The following TRMU variants were observed in gnomAD, a reference collection of about 807,000 sequenced individuals.
The protein encoded by TRMU is tRNA mitochondrial 2-thiouridylase.
In TRMU, 49 loss-of-function variants were observed where a neutral mutation model predicts 46.9. The ratio of observed to expected loss-of-function variants is 1.05; its 90% CI spans 0.83 to 1.33. The LOEUF (loss-of-function observed/expected upper bound fraction) is 1.33. Ranked by LOEUF, TRMU falls within the 40% of genes most tolerant of loss-of-function variation. The pLI, the probability that TRMU is intolerant of heterozygous loss-of-function variation, is 0.00. For synonymous variants in TRMU, 241 were observed against 200.9 expected (o/e 1.20, Z -1.69); for missense variants, 572 against 532.4 (o/e 1.07, Z -0.73).
In TRMU at chr22:46,335,875, C is replaced by A. The variant is rs1306630801; in HGVS notation, c.82+29C>A. 7 of 1,533,418 alleles carry A rather than the reference C, an allele frequency of 4.6e-6. No homozygotes were observed. The African/African-American group carries it at 5.5e-5, about 12-fold the overall frequency. 95.0% of individuals were successfully genotyped at this position (1,533,418 alleles called of 1,614,324 possible). A position where few individuals can be genotyped will look rare whatever the true frequency, so the allele number is the denominator to read the frequency against. ...AGGCGTCCGAGGCTCCCGCCCCCCG[C>A]CGAGCGAATGTGTCCCCGGAAACCT... On this transcript the variant is annotated intron_variant, in intron 1 of 10. Transcript: ENST00000645190.
rs183073511 is a variant in TRMU, at chr22:46,342,478, C to T, written c.249-784C>T. ...GGTTTTTATGGAGGCTTCATGACAT[C>T]GCCATTCCTTCCCCCAGGATATACA... On this transcript the variant is annotated intron_variant, in intron 2 of 10. Coordinates refer to ENST00000645190, the MANE Select transcript of TRMU (RefSeq NM_018006.5). This position sits in a 1 kb window ranked among gnomAD's most constrained non-coding sequence, Gnocchi z 4.7. Among the ~76,000 whole-genome samples the T allele has an allele frequency of 2.6e-4, 39 of 152,240 alleles. No individual in the cohort carries two copies. Among genetic ancestry groups the T allele is most frequent in the Admixed American group, 6.5e-4 (10 of 15,304 alleles).
At position 46,351,778 on chromosome 22, in the gene TRMU, C is replaced by T; in HGVS notation, c.652-343C>T. The T allele has an allele frequency of 2.4e-6, 1 of 413,834 alleles. No homozygotes were observed. Among genetic ancestry groups the T allele is most frequent in the Non-Finnish European group, 4.6e-6 (1 of 219,438 alleles). 25.6% of individuals were successfully genotyped at this position (413,834 alleles called of 1,614,324 possible). On this transcript the variant is annotated intron_variant, in intron 5 of 10. Coordinates refer to ENST00000645190, the MANE Select transcript of TRMU (RefSeq NM_018006.5). The surrounding 1 kb of genome is among the most constrained non-coding windows in gnomAD (Gnocchi z 6.4). The stretch of plus-strand genomic sequence containing the variant: ...AGCTTCAGGCCTGGCTTTCCTGCTA[C>T]CTGCCCCTTCTCTGGTCCCTGTCTC...
At chr22:46,337,702 C>G in intron 1 of TRMU, 77 bp from the exon 2 acceptor site, 1 of 1,578,326 alleles carries the variant, frequency 6.3e-7, no homozygotes, top group South Asian at 1.1e-5. Flanking sequence ...TGGGGAACTT[C>G]TCAGAGCTCA....
intron 8 of TRMU, 151 bp downstream of exon 8, chr22:46,354,018 TG>T (rs1237552323): frequency 9.8e-6 from 7 of 714,986 alleles, no homozygotes; most frequent in Non-Finnish European, 1.5e-5. Context: ...CTGCCTTTCC[TG>T]GGACTGGCCA....
intron 9 of TRMU, 34 bp from the exon 10 acceptor site, chr22:46,355,956 G>A: frequency 6.2e-7 from 1 of 1,611,656 alleles, no homozygotes; most frequent in Non-Finnish European, 8.5e-7. Flanking sequence ...GGAAAGGCCT[G>A]TGCCCCCTCC....
chr22:46,352,089 C>T, intron 5 of TRMU, 32 bp from the exon 6 acceptor site: 1 of 1,611,834 alleles, frequency 6.2e-7, no homozygotes, highest in African/African-American at 1.3e-5. Context: ...GCCACTTCTG[C>T]TCCTCTCACG....
At position 46,348,385 on chromosome 22, in the gene TRMU, T is replaced by G. The variant is rs891009244; in HGVS notation, c.478+1841T>G. Among the ~76,000 whole-genome samples, 6 of 152,234 alleles carry G rather than the reference T, an allele frequency of 3.9e-5. No homozygotes were observed. Among genetic ancestry groups the G allele is most frequent in the African/African-American group, 1.2e-4 (5 of 41,466 alleles). ...TGTGATGGTGCACAGTGTCTTGGCC[T>G]TCACTGGGTTTTGTAGGCACACTAA... On this transcript the variant is annotated intron_variant, in intron 4 of 10. Coordinates refer to ENST00000645190, the MANE Select transcript of TRMU (RefSeq NM_018006.5). This position sits in a 1 kb window ranked among gnomAD's most constrained non-coding sequence, Gnocchi z 4.8.
In TRMU at chr22:46,350,809, G is replaced by T. The variant is rs1245738756; in HGVS notation, c.651+346G>T. On this transcript the variant is annotated intron_variant, in intron 5 of 10. Coordinates refer to ENST00000645190, the MANE Select transcript of TRMU (RefSeq NM_018006.5). The surrounding 1 kb of genome is among the most constrained non-coding windows in gnomAD (Gnocchi z 4.6). ...GATGCAGCCCCGAGACCCCTGGAGG[G>T]GCAGGTGCTGTGCCGCCGTCTGCAC... 1.3e-5 allele frequency among the ~76,000 whole-genome samples: 2 copies of T among 152,202 alleles called. No homozygotes were observed. Among genetic ancestry groups the T allele is most frequent in the African/African-American group, 4.8e-5 (2 of 41,438 alleles).
At chr22:46,356,202 C>A in intron 10 of TRMU, 130 bp downstream of exon 10, 1 of 968,230 alleles carries the variant, frequency 1.0e-6, no homozygotes, top group South Asian at 1.4e-5. Context: ...CTGGTGAGGG[C>A]AGAGTGCCAC....
intron 8 of TRMU, chr22:46,354,204 G>C: frequency 2.9e-6 from 1 of 343,686 alleles, no homozygotes; most frequent in South Asian, 2.3e-5. Context: ...TGCCAAGGAT[G>C]GTGCCCACCA....
chr22:46,350,446 G>A lies in TRMU; in HGVS notation c.634G>A (p.Val212Met), dbSNP rs771988241. Residue 212 changes from valine (V) to methionine (M), a missense_variant, in exon 5 of 11, where the codon GTG becomes ATG. Transcript: ENST00000645190. This position sits in a 1 kb window ranked among gnomAD's most constrained non-coding sequence, Gnocchi z 4.6. Reference protein sequence around the residue: ...KIAAENRLHHVLQKKESMGMC... With the variant: ...KIAAENRLHHMLQKKESMGMC... ...CGCTGCTGAGAATAGACTTCATCATGTGCTTCAGAAGAAAGAGGTACGAGT... is the reference window on the plus strand; with the variant it reads ...CGCTGCTGAGAATAGACTTCATCATATGCTTCAGAAGAAAGAGGTACGAGT... The A allele has an allele frequency of 3.1e-6, 5 of 1,613,600 alleles. No homozygotes were observed. Among genetic ancestry groups the A allele is most frequent in the Admixed American group, 1.7e-5 (1 of 60,002 alleles).
Position 46,335,894 on chromosome 22 carries a change from G to A in TRMU, c.82+48G>A, listed in dbSNP as rs2272937. The A allele has an allele frequency of 0.23, 357,074 of 1,529,338 alleles. 54,430 individuals are homozygous for A. Among genetic ancestry groups the A allele is most frequent in the African/African-American group, 0.76 (54,372 of 71,738 alleles). 94.7% of individuals were successfully genotyped at this position (1,529,338 alleles called of 1,614,324 possible). Reference sequence around the variant, plus strand: ...CCCCCGCCGAGCGAATGTGTCCCCGGAAACCTGTCCCCGTCCGTCGTGGCG... The same window carrying A: ...CCCCCGCCGAGCGAATGTGTCCCCGAAAACCTGTCCCCGTCCGTCGTGGCG... On this transcript the variant is annotated intron_variant, in intron 1 of 10. Transcript: ENST00000645190.
intron 3 of TRMU, among the ~76,000 whole-genome samples, chr22:46,345,418 A>G (rs1308526295): frequency 6.6e-6 from 1 of 152,220 alleles, no homozygotes; most frequent in Non-Finnish European, 1.5e-5. Context: ...CTGGATTCAT[A>G]TGCACCTTGT....
chr22:46,338,980 T>C lies in TRMU; in HGVS notation c.248+1036T>C, dbSNP rs2078051309. On this transcript the variant is annotated intron_variant, in intron 2 of 10. Coordinates refer to ENST00000645190, the MANE Select transcript of TRMU (RefSeq NM_018006.5). The surrounding 1 kb of genome is among the most constrained non-coding windows in gnomAD (Gnocchi z 4.5). ...TTTAATTGAAAAAAATTCTCTTTTTTTCCTGCCAACAAAGACCCAGAAGAG... is the reference window on the plus strand; with the variant it reads ...TTTAATTGAAAAAAATTCTCTTTTTCTCCTGCCAACAAAGACCCAGAAGAG... Among the ~76,000 whole-genome samples, 1 of 152,142 alleles carries C rather than the reference T, an allele frequency of 6.6e-6. No homozygotes were observed. The highest frequency in any genetic ancestry group is 1.5e-5 in the Non-Finnish European group (1 of 68,028).
rs1012862481 is a variant in TRMU, at chr22:46,350,086, T to C, written c.479-205T>C. On this transcript the variant is annotated intron_variant, in intron 4 of 10. Transcript: ENST00000645190. This position sits in a 1 kb window ranked among gnomAD's most constrained non-coding sequence, Gnocchi z 4.6. ...GAGCTGGAATAATTTCTTTGTCATGTAAAATCCTTGTTTTTTTTTTTGGAG... is the reference window on the plus strand; with the variant it reads ...GAGCTGGAATAATTTCTTTGTCATGCAAAATCCTTGTTTTTTTTTTTGGAG... 1.3e-5 allele frequency among the ~76,000 whole-genome samples: 2 copies of C among 152,044 alleles called. No individual in the cohort carries two copies. The highest frequency in any genetic ancestry group is 1.3e-4 in the Admixed American group (2 of 15,268).
At position 46,337,656 on chromosome 22, in the gene TRMU, G is replaced by A. The variant is rs371371553; in HGVS notation, c.83-123G>A. 111 of 1,324,622 alleles carry A rather than the reference G, an allele frequency of 8.4e-5. No individual in the cohort carries two copies. The African/African-American group carries it at 1.3e-3, about 16-fold the overall frequency. The allele number at this position is 1,324,622 out of a possible 1,614,324, so 82.1% of individuals were successfully genotyped here. A position where few individuals can be genotyped will look rare whatever the true frequency, so the allele number is the denominator to read the frequency against. On this transcript the variant is annotated intron_variant, in intron 1 of 10. Coordinates refer to ENST00000645190, the MANE Select transcript of TRMU (RefSeq NM_018006.5). ...CCACATGGCAAAGCAGGGACTGCCC[G>A]GCAGGCCAGGCACAGAGGCACAGGA...
intron 3 of TRMU, among the ~76,000 whole-genome samples, chr22:46,346,077 C>T (rs6008767): frequency 2.0e-5 from 3 of 152,042 alleles, no homozygotes; most frequent in South Asian, 2.1e-4. Flanking sequence ...GGCCTCCCTT[C>T]GTATTATCAC....
In TRMU at chr22:46,355,446, C is replaced by G. The variant is rs1569087663; in HGVS notation, c.876C>G (p.Ala292=). 1.2e-6 allele frequency: 2 copies of G among 1,612,942 alleles called. No homozygotes were observed. The highest frequency in any genetic ancestry group is 3.3e-5 in the Admixed American group (2 of 60,022). ...KDSVKGDVFV[A]PRTDHPALYR... ...CACCTTCACATTCCATTCTGCAGGC[C>G]CCCCGGACAGACCACCCAGCCCTGT... is the stretch of plus-strand genomic sequence containing the variant. The change falls in exon 9 of 11, where the codon GCC becomes GCG. Residue 292 remains alanine (A), a splice_region_variant and synonymous_variant. Coordinates refer to ENST00000645190, the MANE Select transcript of TRMU (RefSeq NM_018006.5).
rs6008759 is a variant in TRMU, at chr22:46,339,359, G to A, written c.248+1415G>A. On this transcript the variant is annotated intron_variant, in intron 2 of 10. Coordinates refer to ENST00000645190, the MANE Select transcript of TRMU (RefSeq NM_018006.5). The surrounding 1 kb of genome is among the most constrained non-coding windows in gnomAD (Gnocchi z 4.8). ...GAGACAGGGTTTCGCCATGTTGGCC[G>A]GGCTAGTCTCAGACTCCTGACCTCA... is the stretch of plus-strand genomic sequence containing the variant. 0.044 allele frequency among the ~76,000 whole-genome samples: 6,716 copies of A among 152,134 alleles called. 493 individuals are homozygous for A. The highest frequency in any genetic ancestry group is 0.15 in the African/African-American group (6,312 of 41,486).
Sources: gnomAD v4.1 joint callset for allele counts (sites outside exome capture counted in the v4.1 genomes callset) on GRCh38, gnomAD v4.1.1 for gene constraint, Gnocchi (gnomAD v3.1) non-coding constraint, MANE v1.5 for transcripts, NCBI Gene and HGNC (gene_info 2026-07-23, HGNC 2026-07-21) for gene names.